The following PRELID2 variants were observed in gnomAD, a reference collection of about 807,000 sequenced individuals.
PRELID2 encodes the protein PRELI domain-containing protein 2.
A neutral mutation model predicts 28.4 loss-of-function variants in PRELID2; 25 were observed. The observed-to-expected ratio is 0.88, with a 90% CI of 0.64 to 1.23. PRELID2 has a LOEUF of 1.23. PRELID2 is among the 50% of genes most tolerant of loss of function. The pLI, the probability that PRELID2 is intolerant of heterozygous loss-of-function variation, is 0.00. For synonymous variants in PRELID2, 76 were observed against 71.6 expected (o/e 1.06, Z -0.31); for missense variants, 201 against 214.4 (o/e 0.94, Z 0.39).
intron 1 of PRELID2, among the ~76,000 whole-genome samples, chr5:145,830,730 T>C (rs2009683): frequency 0.71 from 108,688 of 152,160 alleles, 39,998 homozygotes; most frequent in Non-Finnish European, 0.82. Flanking sequence ...TTGAGAAATA[T>C]TGTATTTTAG....
rs1456879116 is a variant in PRELID2, at chr5:145,724,602, T to TAAATAA, written n.70+40328_70+40329insTTATTT. ...ACTGAAATAACAAGAAGTAAATAAA[T>TAAATAA]ATATATATATATATATATATATATA... On this transcript the variant is annotated intron_variant and non_coding_transcript_variant, in intron 1 of 2. Coordinates refer to the PRELID2 transcript ENST00000510259. Among the ~76,000 whole-genome samples the TAAATAA allele has an allele frequency of 5.4e-4, 15 of 27,780 alleles. No individual in the cohort carries two copies. In the African/African-American group the frequency reaches 5.4e-3, roughly 10 times the overall value. 18.2% of individuals were successfully genotyped at this position (27,780 alleles called of 152,430 possible). A position where few individuals can be genotyped will look rare whatever the true frequency, so the allele number is the denominator to read the frequency against.
intron 1 of PRELID2, among the ~76,000 whole-genome samples, chr5:145,544,762 T>A (rs1752771562): frequency 1.3e-5 from 2 of 152,142 alleles, no homozygotes; most frequent in Non-Finnish European, 2.9e-5. Context: ...AGAATTCAAA[T>A]TGTTTAGAAT....
At chr5:145,830,252 CCT>C (rs968342404) in intron 1 of PRELID2, among the ~76,000 whole-genome samples, 1 of 152,168 alleles carries the variant, frequency 6.6e-6, no homozygotes, top group African/African-American at 2.4e-5. Context: ...CACTATGACT[CCT>C]TTGACCACAG....
At chr5:145,412,457 C>T in the PRELID2 span, among the ~76,000 whole-genome samples, 2 of 152,196 alleles carry the variant, frequency 1.3e-5, no homozygotes, top group African/African-American at 4.8e-5. Flanking sequence ...ATCTGACCAC[C>T]TCAGCCTGGA....
chr5:145,689,095 A>T (rs977926784), intron 1 of PRELID2, among the ~76,000 whole-genome samples: 1 of 152,302 alleles, frequency 6.6e-6, no homozygotes, highest in Non-Finnish European at 1.5e-5. Flanking sequence ...AGAGGTTGGT[A>T]TTATTAAAAA....
intron 1 of PRELID2, among the ~76,000 whole-genome samples, chr5:145,695,271 A>C (rs1448749146): frequency 6.6e-6 from 1 of 152,176 alleles, no homozygotes; most frequent in African/African-American, 2.4e-5. Context: ...CAGTCACGTC[A>C]AGAGGCAGAA....
chr5:145,664,838 G>C (rs538560589), intron 1 of PRELID2, among the ~76,000 whole-genome samples: 12 of 152,176 alleles, frequency 7.9e-5, no homozygotes, highest in African/African-American at 2.9e-4. Context: ...CTGCTACAAG[G>C]AATGGTCCTG....
chr5:145,743,234 C>T (rs1344156586), intron 1 of PRELID2, among the ~76,000 whole-genome samples: 1 of 151,684 alleles, frequency 6.6e-6, no homozygotes, highest in East Asian at 1.9e-4. Context: ...CATGGTGAAA[C>T]CTTGTCTCTA....
the PRELID2 span, among the ~76,000 whole-genome samples, chr5:145,315,952 A>T: frequency 6.6e-6 from 1 of 152,052 alleles, no homozygotes; most frequent in Non-Finnish European, 1.5e-5. Flanking sequence ...TAATTTCTTA[A>T]TTTTTTACTA....
the PRELID2 span, among the ~76,000 whole-genome samples, chr5:145,368,784 CA>C: frequency 6.6e-6 from 1 of 151,346 alleles, no homozygotes; most frequent in Non-Finnish European, 1.5e-5. Flanking sequence ...CAGTCTCTTT[CA>C]TTTTTTTTGT....
intron 1 of PRELID2, among the ~76,000 whole-genome samples, chr5:145,620,194 T>C (rs1238767462): frequency 6.6e-6 from 1 of 152,214 alleles, no homozygotes; most frequent in Admixed American, 6.5e-5. Context: ...AGAGGAAACA[T>C]GTTGAATGCT....
chr5:145,286,729 T>G, the PRELID2 span, among the ~76,000 whole-genome samples: 17 of 145,714 alleles, frequency 1.2e-4, no homozygotes, highest in Admixed American at 1.0e-3. Flanking sequence ...TGTTTGTTTT[T>G]TTTTTTTTTT....
the PRELID2 span, among the ~76,000 whole-genome samples, chr5:145,385,147 G>A: frequency 1.8e-3 from 278 of 152,194 alleles, 1 homozygote; most frequent in African/African-American, 6.1e-3. Flanking sequence ...TATAGTCTGC[G>A]TGTTATACTG....
intron 1 of PRELID2, among the ~76,000 whole-genome samples, chr5:145,558,326 C>A (rs927649049): frequency 3.3e-5 from 5 of 152,152 alleles, no homozygotes; most frequent in Non-Finnish European, 5.9e-5. Context: ...GAATATGAAA[C>A]TTCATTGTTG....
intron 4 of PRELID2, among the ~76,000 whole-genome samples, chr5:145,800,301 TACACACAC>T (rs10555229): frequency 2.9e-5 from 4 of 138,478 alleles, no homozygotes; most frequent in African/African-American, 5.4e-5. Flanking sequence ...CCCCTTCTCT[TACACACAC>T]ACACACACAC....
the PRELID2 span, among the ~76,000 whole-genome samples, chr5:145,341,901 G>A: frequency 6.6e-6 from 1 of 152,070 alleles, no homozygotes; most frequent in Non-Finnish European, 1.5e-5. Context: ...CATACAGGTG[G>A]CTCAGCAATC....
chr5:145,821,046 C>G (rs1350033209), intron 2 of PRELID2, among the ~76,000 whole-genome samples: 2 of 151,962 alleles, frequency 1.3e-5, no homozygotes, highest in Non-Finnish European at 2.9e-5. Flanking sequence ...TATTTTCTAT[C>G]TATTAGAAGC....
chr5:145,752,744 G>T (rs1462128445), downstream of PRELID2, among the ~76,000 whole-genome samples: 3 of 152,152 alleles, frequency 2.0e-5, no homozygotes, highest in Admixed American at 6.5e-5. Context: ...ATTTTGGGGT[G>T]ATTCATTCAT....
At chr5:145,297,425 T>C in the PRELID2 span, among the ~76,000 whole-genome samples, 4 of 152,002 alleles carry the variant, frequency 2.6e-5, no homozygotes, top group South Asian at 4.2e-4. Flanking sequence ...CAACACTTCA[T>C]GCTAAAAACT....
Sources: allele counts gnomAD v4.1 joint callset (sites outside exome capture counted in the v4.1 genomes callset), GRCh38; gene constraint gnomAD v4.1.1; transcripts MANE v1.5; gene names NCBI Gene and HGNC (gene_info 2026-07-23, HGNC 2026-07-21).